The following PCDHAC1 variants were observed in gnomAD, a reference collection of about 807,000 sequenced individuals.
PCDHAC1 encodes protocadherin alpha subfamily C, 1.
Under a neutral mutation model 60.0 loss-of-function variants are expected in PCDHAC1, and 42 were observed. The ratio of observed to expected loss-of-function variants is 0.70; its 90% CI spans 0.55 to 0.90. The LOEUF (loss-of-function observed/expected upper bound fraction) is 0.90, where lower values mean the gene tolerates loss of function less well. Ranked by LOEUF, PCDHAC1 falls within the 40% of genes least tolerant of loss-of-function variation. The pLI is 0.00. For missense variants in PCDHAC1, 1,160 were observed against 1,222.3 expected, an observed-to-expected ratio of 0.95 and a Z score of 0.76; for synonymous variants, 468 against 499.3, an observed-to-expected ratio of 0.94 and a Z score of 0.84.
intron 3 of PCDHAC1, among the ~76,000 whole-genome samples, chr5:140,982,882 C>CAGAGA (rs1353974224): frequency 6.6e-6 from 1 of 151,972 alleles, no homozygotes; most frequent in African/African-American, 2.4e-5. Context: ...CCAAGCCATG[C>CAGAGA]AGAGAAGATC....
intron 1 of PCDHAC1, chr5:140,967,740 A>T (rs2096177949): frequency 6.2e-6 from 10 of 1,614,052 alleles, no homozygotes; most frequent in Non-Finnish European, 8.5e-6. Flanking sequence ...GGGCTGGATT[A>T]TGAGGAAGCC....
At chr5:140,986,618 C>T (rs782259734) in intron 3 of PCDHAC1, among the ~76,000 whole-genome samples, 2 of 152,134 alleles carry the variant, frequency 1.3e-5, no homozygotes, top group African/African-American at 2.4e-5. Flanking sequence ...TCAGGCCTTA[C>T]CTAAGGCAAC....
At chr5:141,006,215 TA>T (rs200576602) in intron 3 of PCDHAC1, among the ~76,000 whole-genome samples, 4 of 151,640 alleles carry the variant, frequency 2.6e-5, no homozygotes, top group South Asian at 2.1e-4. Flanking sequence ...CATTTTTTTT[TA>T]AATTTTTTAT....
At chr5:140,944,053 A>G (rs246065) in intron 1 of PCDHAC1, among the ~76,000 whole-genome samples, 85,768 of 152,016 alleles carry the variant, frequency 0.56, 24,809 homozygotes, top group African/African-American at 0.69. Context: ...TTGGGATACA[A>G]AAAGGTTTCT....
intron 3 of PCDHAC1, 32 bp from the exon 4 acceptor site, chr5:141,009,595 C>A (rs781807814): frequency 6.2e-7 from 1 of 1,604,124 alleles, no homozygotes; most frequent in African/African-American, 1.3e-5. Context: ...TGTGTTGACC[C>A]TGTTAATGAT....
chr5:141,000,419 A>T (rs1394449061), intron 3 of PCDHAC1, among the ~76,000 whole-genome samples: 972 of 60,664 alleles, frequency 0.016, 14 homozygotes, highest in African/African-American at 0.023. Flanking sequence ...ATATATATAT[A>T]TATTTTTTTT....
chr5:140,927,848 G>T lies in PCDHAC1; in HGVS notation c.956G>T (p.Gly319Val), dbSNP rs1295513512. Reference protein sequence around the residue: ...YIEARDEGVFGLASTAKLLVE... With the variant: ...YIEARDEGVFVLASTAKLLVE... ...GAGGCGAGGGACGAAGGTGTCTTTGGTTTAGCTAGCACCGCTAAACTGCTG... is the reference window on the plus strand; with the variant it reads ...GAGGCGAGGGACGAAGGTGTCTTTGTTTTAGCTAGCACCGCTAAACTGCTG... The change falls in exon 1 of 4, where the codon GGT (glycine) becomes GTT (valine). Residue 319 changes from glycine (G) to valine (V), a missense_variant. Around this residue, in one of 3 missense-constraint regions of PCDHAC1, gnomAD observed 1,113 missense variants for 1,163.7 expected, o/e 0.96. Coordinates refer to ENST00000253807, the MANE Select transcript of PCDHAC1 (RefSeq NM_018898.5). 1.2e-6 allele frequency: 2 copies of T among 1,614,180 alleles called. No homozygotes were observed. Among genetic ancestry groups the T allele is most frequent in the Middle Eastern group, 3.3e-4 (2 of 6,062 alleles).
Position 141,011,328 on chromosome 5 carries a change from A to G in PCDHAC1, c.*1391A>G, listed in dbSNP as rs1554263430. 2 of 153,726 alleles carry G rather than the reference A, an allele frequency of 1.3e-5. No homozygotes were observed. Among genetic ancestry groups the G allele is most frequent in the Admixed American group, 1.3e-4 (2 of 15,268 alleles). 9.5% of individuals were successfully genotyped at this position (153,726 alleles called of 1,614,324 possible). On this transcript the variant is annotated 3_prime_UTR_variant, in exon 4 of 4. Transcript: ENST00000253807. Reference sequence around the variant, plus strand: ...ATTGCTAATCTTACTAACACCTATGATGTTACCTGAAATCAATCTCCCATA... The same window carrying G: ...ATTGCTAATCTTACTAACACCTATGGTGTTACCTGAAATCAATCTCCCATA...
At chr5:140,948,679 A>C (rs1318286539) in intron 1 of PCDHAC1, among the ~76,000 whole-genome samples, 1 of 151,394 alleles carries the variant, frequency 6.6e-6, no homozygotes, top group Admixed American at 6.6e-5. Context: ...CATCTTTTTC[A>C]TTTTTGATAT....
rs147047116 is a variant in PCDHAC1, at chr5:140,937,713, C to T, written c.2433+8388C>T. Among the ~76,000 whole-genome samples the T allele has an allele frequency of 7.0e-4, 107 of 151,998 alleles. No homozygotes were observed. The East Asian group carries it at 0.02, about 28-fold the overall frequency. On this transcript the variant is annotated intron_variant, in intron 1 of 3. Transcript: ENST00000253807. The stretch of plus-strand genomic sequence containing the variant: ...GGATCACGAGGTCAGGAGATCAAGA[C>T]CATCCTGGCTAACACGGTGAAACCC...
intron 2 of PCDHAC1, among the ~76,000 whole-genome samples, chr5:140,981,838 C>T (rs916108739): frequency 3.9e-5 from 6 of 152,086 alleles, no homozygotes; most frequent in Admixed American, 6.6e-5. Context: ...AAAGGTCTCC[C>T]AGTTTGTATC....
chr5:140,966,373 T>G (rs1554228235), intron 1 of PCDHAC1: 1 of 404,624 alleles, frequency 2.5e-6, no homozygotes, highest in African/African-American at 2.1e-5. Flanking sequence ...GGCTGAGCAG[T>G]CCGGGTTCGC....
intron 1 of PCDHAC1, among the ~76,000 whole-genome samples, chr5:140,941,995 T>C (rs1243854944): frequency 6.6e-6 from 1 of 152,234 alleles, no homozygotes; most frequent in Non-Finnish European, 1.5e-5. Context: ...AAGGGATTCA[T>C]ATCTCTTATT....
intron 3 of PCDHAC1, among the ~76,000 whole-genome samples, chr5:141,007,300 T>C (rs185284872): frequency 6.6e-6 from 1 of 151,058 alleles, no homozygotes; most frequent in Admixed American, 6.6e-5. Context: ...CCTGTAATCT[T>C]AGCATTTTGG....
chr5:140,988,871 A>T (rs1319139244), intron 3 of PCDHAC1: 1 of 152,208 alleles, frequency 6.6e-6, no homozygotes, highest in Non-Finnish European at 1.5e-5. Context: ...GTGCACTCAG[A>T]TGTACGATCC....
At chr5:140,945,178 C>T (rs2093753648) in intron 1 of PCDHAC1, among the ~76,000 whole-genome samples, 2 of 151,902 alleles carry the variant, frequency 1.3e-5, no homozygotes, top group Admixed American at 1.3e-4. Flanking sequence ...AAAAATAAAT[C>T]AAGAAAACCA....
At chr5:140,947,454 C>T (rs138457341) in intron 1 of PCDHAC1, among the ~76,000 whole-genome samples, 1 of 151,582 alleles carries the variant, frequency 6.6e-6, no homozygotes, top group Non-Finnish European at 1.5e-5. Flanking sequence ...ATCCTCCAAC[C>T]TTGTTCTACT....
chr5:140,928,471 G>T lies in PCDHAC1; in HGVS notation c.1579G>T (p.Gly527Cys). Residue 527 changes from glycine (G) to cysteine (C), a missense_variant, in exon 1 of 4, where the codon GGC becomes TGC. Around this residue, in one of 3 missense-constraint regions of PCDHAC1, gnomAD observed 1,113 missense variants for 1,163.7 expected, o/e 0.96. Coordinates refer to ENST00000253807, the MANE Select transcript of PCDHAC1 (RefSeq NM_018898.5). ...CAGGGGGTTTCATTTCCAAGTAGAA[G>T]GCCGGGATGGTGGCATTCCTCCCAG... ...QLRGFHFQVE[G>C]RDGGIPPRSA... is the part of the protein sequence containing the mutation. 6.2e-7 allele frequency: 1 copy of T among 1,614,148 alleles called. No homozygotes were observed. The highest frequency in any genetic ancestry group is 8.5e-7 in the Non-Finnish European group (1 of 1,180,020).
intron 1 of PCDHAC1, chr5:140,969,129 C>T: frequency 6.2e-7 from 1 of 1,614,144 alleles, no homozygotes; most frequent in Non-Finnish European, 8.5e-7. Context: ...GGCTCCCTCA[C>T]CAAGACCTAC....
Sources: gnomAD v4.1 joint callset for allele counts (sites outside exome capture counted in the v4.1 genomes callset) on GRCh38, gnomAD v4.1.1 for gene constraint, gnomAD v4.1.1 regional missense constraint, MANE v1.5 for transcripts, NCBI Gene and HGNC (gene_info 2026-07-23, HGNC 2026-07-21) for gene names.